WDPCP: variants seen among roughly 807,000 people sequenced by gnomAD.
WDPCP encodes WD repeat-containing and planar cell polarity effector protein fritz homolog.
A neutral mutation model predicts 93.1 loss-of-function variants in WDPCP; 71 were observed. The ratio of observed to expected loss-of-function variants is 0.76; its 90% confidence interval spans 0.63 to 0.93. The LOEUF (loss-of-function observed/expected upper bound fraction) is 0.93, where lower values mean the gene tolerates loss of function less well. Ranked by LOEUF, WDPCP falls within the 40% of genes least tolerant of loss-of-function variation. The pLI is 0.00. For synonymous variants in WDPCP, 315 were observed against 315.0 expected, an observed-to-expected ratio of 1.00 and a Z score of 0.00; for missense variants, 844 against 887.4, an observed-to-expected ratio of 0.95 and a Z score of 0.62.
At chr2:63,288,781 A>G (rs537211464) in intron 13 of WDPCP, among the ~76,000 whole-genome samples, 2 of 152,252 alleles carry the variant, frequency 1.3e-5, no homozygotes, top group East Asian at 3.9e-4. Flanking sequence ...CCATTTCTTG[A>G]TGCATTTAGT....
chr2:63,564,680 G>A (rs1351569834), intron 1 of WDPCP: 3 of 151,870 alleles, frequency 2.0e-5, no homozygotes, highest in Non-Finnish European at 2.9e-5. Context: ...AAAGATAAAT[G>A]ACTATAAAAC....
chr2:63,693,026 C>A (rs1668911473), intron 2 of WDPCP, among the ~76,000 whole-genome samples: 1 of 152,190 alleles, frequency 6.6e-6, no homozygotes, highest in South Asian at 2.1e-4. Flanking sequence ...TATCCCCATT[C>A]TACAGATAAA....
Position 63,641,434 on chromosome 2 carries a change from C to G in WDPCP, n.488+9225G>C, listed in dbSNP as rs1261635588. On this transcript the variant is annotated intron_variant and non_coding_transcript_variant, in intron 3 of 4. Transcript: ENST00000467687. ...CAGTGTATGAGGATTCCCTTTTCTC[C>G]ACATCCTTGCCAGCATTTCTTATTG... is the stretch of plus-strand genomic sequence containing the variant. 2.0e-5 allele frequency among the ~76,000 whole-genome samples: 3 copies of G among 152,146 alleles called. No individual in the cohort carries two copies. In the East Asian group the frequency reaches 5.8e-4, roughly 29 times the overall value.
chr2:63,809,026 C>T lies in WDPCP; in HGVS notation n.308+4596G>A, dbSNP rs561360232. ...CTGGGATGTGAGGAGCACCTCTACC[C>T]GGCCGGGACCCCGTCTGGGAGGTGA... is the stretch of plus-strand genomic sequence containing the variant. On this transcript the variant is annotated intron_variant and non_coding_transcript_variant, in intron 2 of 4. Transcript: ENST00000467687. Among the ~76,000 whole-genome samples, 628 of 151,644 alleles carry T rather than the reference C, an allele frequency of 4.1e-3. 3 individuals carry two copies. Among genetic ancestry groups the T allele is most frequent in the Non-Finnish European group, 5.7e-3 (390 of 67,852 alleles).
intron 1 of WDPCP, among the ~76,000 whole-genome samples, chr2:63,814,893 G>A (rs1670908292): frequency 6.6e-6 from 1 of 152,076 alleles, no homozygotes; most frequent in Non-Finnish European, 1.5e-5. Flanking sequence ...TGATTTCAGA[G>A]GTAGAACTAT....
Position 63,407,798 on chromosome 2 carries a change from A to G in WDPCP, c.826-3141T>C, listed in dbSNP as rs189968907. Among the ~76,000 whole-genome samples, 284 of 152,362 alleles carry G rather than the reference A, an allele frequency of 1.9e-3. 1 individual carries two copies. Among genetic ancestry groups the G allele is most frequent in the Admixed American group, 0.017 (260 of 15,306 alleles). On this transcript the variant is annotated intron_variant, in intron 9 of 17. Coordinates refer to ENST00000272321, the MANE Select transcript of WDPCP (RefSeq NM_015910.7). ...TTTCTTAAGCTATGAATTAAAAGAAAATTGTAATGCTGGTTGAAATATCAT... is the reference window on the plus strand; with the variant it reads ...TTTCTTAAGCTATGAATTAAAAGAAGATTGTAATGCTGGTTGAAATATCAT...
chr2:63,594,972 A>T (rs1709277142), intron 3 of WDPCP: 1 of 249,544 alleles, frequency 4.0e-6, no homozygotes, highest in African/African-American at 2.3e-5. Context: ...TGAAGCAGGC[A>T]CTCCGACTTC....
At chr2:63,699,114 A>G (rs1485482440) in intron 2 of WDPCP, among the ~76,000 whole-genome samples, 1 of 152,138 alleles carries the variant, frequency 6.6e-6, no homozygotes, top group Non-Finnish European at 1.5e-5. Flanking sequence ...AACAGGGCCA[A>G]TTAGCGAGTC....
At chr2:63,516,085 A>C (rs1702536297) in intron 1 of WDPCP, among the ~76,000 whole-genome samples, 1 of 152,132 alleles carries the variant, frequency 6.6e-6, no homozygotes, top group African/African-American at 2.4e-5. Flanking sequence ...TAAAGTGGAA[A>C]AGTGATGTAG....
intron 9 of WDPCP, among the ~76,000 whole-genome samples, chr2:63,422,179 T>G (rs549026642): frequency 6.6e-6 from 1 of 152,084 alleles, no homozygotes; most frequent in South Asian, 2.1e-4. Context: ...TAATTCCAGG[T>G]GTGGGGCAGA....
At chr2:63,217,837 C>G (rs1435593875) in intron 14 of WDPCP, among the ~76,000 whole-genome samples, 1 of 152,108 alleles carries the variant, frequency 6.6e-6, no homozygotes, top group Non-Finnish European at 1.5e-5. Flanking sequence ...TCTTAGTTGT[C>G]AGATAAATGG....
intron 12 of WDPCP, among the ~76,000 whole-genome samples, chr2:63,346,689 G>A (rs188592664): frequency 6.6e-6 from 1 of 152,260 alleles, no homozygotes; most frequent in East Asian, 1.9e-4. Context: ...CTCTTATGTA[G>A]ATTTATGGAG....
Position 63,698,653 on chromosome 2 carries a change from T to C in WDPCP, n.309-47815A>G, listed in dbSNP as rs527346099. The stretch of plus-strand genomic sequence containing the variant: ...AGTAAGCAGGAAATTTCACAAGTCA[T>C]TTAAAATTTAGTCACAGAATTTCCT... On this transcript the variant is annotated intron_variant and non_coding_transcript_variant, in intron 2 of 4. Coordinates refer to the WDPCP transcript ENST00000467687. Among the ~76,000 whole-genome samples, 41 of 152,262 alleles carry C rather than the reference T, an allele frequency of 2.7e-4. No homozygotes were observed. In the Middle Eastern group the frequency reaches 0.01, roughly 38 times the overall value.
At chr2:63,211,799 G>A (rs1372973010) in intron 14 of WDPCP, among the ~76,000 whole-genome samples, 1 of 152,124 alleles carries the variant, frequency 6.6e-6, no homozygotes, top group Non-Finnish European at 1.5e-5. Flanking sequence ...TGAAAACCAT[G>A]GCACGAGAAC....
intron 2 of WDPCP, among the ~76,000 whole-genome samples, chr2:63,706,921 A>T (rs1331548241): frequency 2.0e-5 from 3 of 151,928 alleles, no homozygotes; most frequent in African/African-American, 7.2e-5. Flanking sequence ...CGGCCTTGAA[A>T]ATTCTTTTCT....
In WDPCP at chr2:63,313,320, C is replaced by T; in HGVS notation, c.1749-9G>A. 3 of 1,612,462 alleles carry T rather than the reference C, an allele frequency of 1.9e-6. No individual in the cohort carries two copies. Among genetic ancestry groups the T allele is most frequent in the Non-Finnish European group, 1.7e-6 (2 of 1,179,004 alleles). ...TTTCAAACCTCTGGTACCTACAAGG[C>T]AGAAAAAAATATTATGTTAGTTGTG... is the stretch of plus-strand genomic sequence containing the variant. On this transcript the variant is annotated splice_polypyrimidine_tract_variant and intron_variant, in intron 12 of 17. Transcript: ENST00000272321.
chr2:63,597,347 C>A, intron 3 of WDPCP: 1 of 1,319,466 alleles, frequency 7.6e-7, no homozygotes, highest in Non-Finnish European at 9.8e-7. Context: ...AAAAAGAAAA[C>A]TTCAAACTTT....
chr2:63,149,882 T>G (rs1254785013), intron 17 of WDPCP, among the ~76,000 whole-genome samples: 1 of 152,146 alleles, frequency 6.6e-6, no homozygotes, highest in Admixed American at 6.5e-5. Context: ...GCACCTATAA[T>G]TCTAGCTACT....
intron 9 of WDPCP, among the ~76,000 whole-genome samples, chr2:63,409,155 C>T (rs1694828858): frequency 1.3e-5 from 2 of 152,202 alleles, no homozygotes; most frequent in Admixed American, 1.3e-4. Context: ...CTGCATCCCC[C>T]ACCACCTCCA....
Sources: allele counts gnomAD v4.1 joint callset (sites outside exome capture counted in the v4.1 genomes callset), GRCh38; gene constraint gnomAD v4.1.1; transcripts MANE v1.5; gene names NCBI Gene and HGNC (gene_info 2026-07-23, HGNC 2026-07-21).